Variants in CAMKMT observed in about 807,000 individuals in gnomAD.
CAMKMT encodes the protein calmodulin-lysine N-methyltransferase, also known as CaM KMT.
CAMKMT carries 53 observed loss-of-function variants against 48.0 expected under a neutral mutation model. The ratio of observed to expected loss-of-function variants is 1.10; its 90% CI spans 0.89 to 1.39. The LOEUF (loss-of-function observed/expected upper bound fraction) is 1.39, where lower values mean the gene tolerates loss of function less well. CAMKMT is among the 40% of genes most tolerant of loss of function. The probability of loss-of-function intolerance (pLI) is 0.00; values close to 1 mark genes in which losing one functional copy is unlikely to be tolerated. For missense variants in CAMKMT, 428 were observed against 402.7 expected, an observed-to-expected ratio of 1.06 and a Z score of -0.54; for synonymous variants, 165 against 152.3, an observed-to-expected ratio of 1.08 and a Z score of -0.61.
intron 3 of CAMKMT, among the ~76,000 whole-genome samples, chr2:44,658,862 C>G (rs1399631099): frequency 1.3e-5 from 2 of 152,144 alleles, no homozygotes; most frequent in Non-Finnish European, 2.9e-5. Context: ...CTACTCTTTA[C>G]TTGGACTGCT....
chr2:44,696,769 G>GA (rs143920748), intron 3 of CAMKMT, among the ~76,000 whole-genome samples: 4,876 of 151,108 alleles, frequency 0.032, 250 homozygotes, highest in African/African-American at 0.11. Flanking sequence ...CCAAGAAACA[G>GA]AAAAAAACAA....
intron 6 of CAMKMT, among the ~76,000 whole-genome samples, chr2:44,711,139 C>T (rs1451380746): frequency 3.9e-5 from 6 of 152,182 alleles, no homozygotes; most frequent in African/African-American, 7.2e-5. Context: ...ACGGAAATCC[C>T]GGGCCATCTT....
chr2:44,440,197 C>T (rs886875529), intron 3 of CAMKMT, among the ~76,000 whole-genome samples: 1 of 152,074 alleles, frequency 6.6e-6, no homozygotes, highest in Non-Finnish European at 1.5e-5. Flanking sequence ...TCCTCTAGTC[C>T]CATGATTCTA....
chr2:44,527,570 T>C (rs1427739031), intron 3 of CAMKMT, among the ~76,000 whole-genome samples: 1 of 151,090 alleles, frequency 6.6e-6, no homozygotes, highest in African/African-American at 2.4e-5. Context: ...AAATCTTTAA[T>C]ATCCTACAAT....
chr2:44,616,548 T>C (rs1558746978), intron 3 of CAMKMT, among the ~76,000 whole-genome samples: 1 of 151,260 alleles, frequency 6.6e-6, no homozygotes. Context: ...ATTTTTTTGA[T>C]TCACCAGAAA....
intron 3 of CAMKMT, among the ~76,000 whole-genome samples, chr2:44,558,576 A>T (rs897021609): frequency 2.6e-5 from 4 of 152,158 alleles, no homozygotes; most frequent in African/African-American, 4.8e-5. Context: ...TGTGGTACAT[A>T]TGCCCCATGG....
At chr2:44,387,728 T>C (rs1249743936) in intron 2 of CAMKMT, among the ~76,000 whole-genome samples, 1 of 152,214 alleles carries the variant, frequency 6.6e-6, no homozygotes. Context: ...GGCTTGGTAA[T>C]GGTGAATTCT....
intron 3 of CAMKMT, among the ~76,000 whole-genome samples, chr2:44,439,698 C>T (rs1033245900): frequency 6.6e-6 from 1 of 151,740 alleles, no homozygotes; most frequent in East Asian, 1.9e-4. Flanking sequence ...ATCAGCCGGG[C>T]GTCGTGGCGG....
chr2:44,605,880 A>T (rs968135916), intron 3 of CAMKMT, among the ~76,000 whole-genome samples: 1 of 152,146 alleles, frequency 6.6e-6, no homozygotes, highest in Non-Finnish European at 1.5e-5. Flanking sequence ...TCATACATAG[A>T]GCTTCTTTAA....
chr2:44,737,689 T>C (rs1679429362), intron 7 of CAMKMT, among the ~76,000 whole-genome samples: 2 of 152,098 alleles, frequency 1.3e-5, no homozygotes, highest in Admixed American at 1.3e-4. Flanking sequence ...ACATGCATGA[T>C]CAGTCATCCA....
rs570028666 is a variant in CAMKMT, at chr2:44,430,790, A to T, written c.376+40485A>T. Among the ~76,000 whole-genome samples, 305 of 152,294 alleles carry T rather than the reference A, an allele frequency of 2.0e-3. 1 individual carries two copies. Among genetic ancestry groups the T allele is most frequent in the Non-Finnish European group, 3.8e-3 (256 of 68,004 alleles). On this transcript the variant is annotated intron_variant, in intron 3 of 10. Coordinates refer to ENST00000378494, the MANE Select transcript of CAMKMT (RefSeq NM_024766.5). Reference sequence around the variant, plus strand: ...TACTGTTAAAAGTAAATGACCAGTGAAATAAACTCATTGGGTGGCAAATGT... The same window carrying T: ...TACTGTTAAAAGTAAATGACCAGTGTAATAAACTCATTGGGTGGCAAATGT...
In CAMKMT at chr2:44,653,965, CT is replaced by C. The variant is rs1674224624; in HGVS notation, c.377-50315del. Reference sequence around the variant, plus strand: ...ACCCATTTATGAAAATTGTTAGAGTCTTTCTTTGAATTAAAATTTTCTTAGT... The same window carrying C: ...ACCCATTTATGAAAATTGTTAGAGTCTTCTTTGAATTAAAATTTTCTTAGT... On this transcript the variant is annotated intron_variant, in intron 3 of 10. Transcript: ENST00000378494. This position sits in a 1 kb window ranked among gnomAD's most constrained non-coding sequence, Gnocchi z 5.2. Among the ~76,000 whole-genome samples the C allele has an allele frequency of 6.6e-6, 1 of 152,082 alleles. No homozygotes were observed. The highest frequency in any genetic ancestry group is 2.4e-5 in the African/African-American group (1 of 41,420).
intron 3 of CAMKMT, among the ~76,000 whole-genome samples, chr2:44,647,815 G>A (rs748362532): frequency 2.6e-5 from 4 of 151,186 alleles, no homozygotes; most frequent in Non-Finnish European, 5.9e-5. Flanking sequence ...GGCTGAGGCA[G>A]GAGAATGGTG....
At chr2:44,591,637 T>C (rs1187478423) in intron 3 of CAMKMT, among the ~76,000 whole-genome samples, 1 of 151,972 alleles carries the variant, frequency 6.6e-6, no homozygotes, top group East Asian at 1.9e-4. Context: ...AGTTCAACCA[T>C]TGTGGAAGTC....
At chr2:44,548,660 C>T (rs188386557) in intron 3 of CAMKMT, among the ~76,000 whole-genome samples, 117 of 152,200 alleles carry the variant, frequency 7.7e-4, no homozygotes, top group South Asian at 3.5e-3. Flanking sequence ...AGGTCAGAGA[C>T]GGGAAGTCAG....
At chr2:44,479,751 T>C (rs1475668184) in intron 3 of CAMKMT, among the ~76,000 whole-genome samples, 3 of 152,214 alleles carry the variant, frequency 2.0e-5, no homozygotes, top group African/African-American at 7.2e-5. Flanking sequence ...ATGTGATACA[T>C]GAGAAAATTA....
chr2:44,469,350 A>T (rs1387661707), intron 3 of CAMKMT, among the ~76,000 whole-genome samples: 1 of 150,180 alleles, frequency 6.7e-6, no homozygotes, highest in Non-Finnish European at 1.5e-5. Flanking sequence ...ATTAAACCTG[A>T]TTTTTTTTTT....
At chr2:44,757,180 G>C (rs1354340070) in intron 9 of CAMKMT, among the ~76,000 whole-genome samples, 1 of 152,190 alleles carries the variant, frequency 6.6e-6, no homozygotes, top group Non-Finnish European at 1.5e-5. Context: ...ATCCACATGA[G>C]ATGTTTATCC....
chr2:44,567,330 C>T (rs1668667581), intron 3 of CAMKMT, among the ~76,000 whole-genome samples: 1 of 152,188 alleles, frequency 6.6e-6, no homozygotes, highest in Non-Finnish European at 1.5e-5. Context: ...ATGCTCTCCA[C>T]AGGACCACAG....
Sources: gnomAD v4.1 joint callset for allele counts (sites outside exome capture counted in the v4.1 genomes callset) on GRCh38, gnomAD v4.1.1 for gene constraint, Gnocchi (gnomAD v3.1) non-coding constraint, MANE v1.5 for transcripts, NCBI Gene and HGNC (gene_info 2026-07-23, HGNC 2026-07-21) for gene names.